IL4I1: variants seen among roughly 807,000 people sequenced by gnomAD.
IL4I1 encodes the protein interleukin 4 induced 1, also known as L-amino-acid oxidase.
A neutral mutation model predicts 29.7 loss-of-function variants in IL4I1; 24 were observed. The ratio of observed to expected loss-of-function variants is 0.81; its 90% confidence interval spans 0.59 to 1.14. IL4I1 has a LOEUF of 1.14. IL4I1 is among the 50% of genes most tolerant of loss of function. The pLI is 0.00. For missense variants in IL4I1, 686 were observed against 785.6 expected, an observed-to-expected ratio of 0.87 and a Z score of 1.52; for synonymous variants, 371 against 352.5, an observed-to-expected ratio of 1.05 and a Z score of -0.59.
intron 2 of IL4I1, chr19:49,909,932 A>C: frequency 1.0e-6 from 1 of 997,050 alleles, no homozygotes; most frequent in South Asian, 1.4e-5. Context: ...TGGAAAGGCA[A>C]GCTCAGTGGC....
chr19:49,926,397 G>A (rs1013165329), intron 2 of IL4I1, among the ~76,000 whole-genome samples: 1 of 152,076 alleles, frequency 6.6e-6, no homozygotes, highest in Non-Finnish European at 1.5e-5. Flanking sequence ...AGGCGTGGTG[G>A]TGGGCGCCTG....
chr19:49,911,176 A>C (rs192207426), intron 2 of IL4I1: 2 of 152,374 alleles, frequency 1.3e-5, no homozygotes, highest in African/African-American at 4.8e-5. Flanking sequence ...TGCCAGGACT[A>C]CAGGCGTGAG....
At chr19:49,917,568 T>C (rs964100359) in intron 2 of IL4I1, 2 of 152,014 alleles carry the variant, frequency 1.3e-5, no homozygotes, top group Non-Finnish European at 2.9e-5. Context: ...CATGAGACCA[T>C]GAGTGGGTCA....
At chr19:49,892,868 G>A (rs1216876689) in intron 5 of IL4I1, among the ~76,000 whole-genome samples, 1 of 152,166 alleles carries the variant, frequency 6.6e-6, no homozygotes, top group Non-Finnish European at 1.5e-5. Flanking sequence ...TGGGTGGGGA[G>A]GGGATGTTGG....
intron 2 of IL4I1, chr19:49,907,858 TATTTTTTC>T (rs1276709662): frequency 2.9e-6 from 1 of 348,278 alleles, no homozygotes; most frequent in African/African-American, 2.1e-5. Flanking sequence ...TTACATTTGG[TATTTTTTC>T]ATGACACCTA....
At chr19:49,909,005 G>A in intron 2 of IL4I1, 1 of 1,612,358 alleles carries the variant, frequency 6.2e-7, no homozygotes, top group Non-Finnish European at 8.5e-7. Context: ...TGTTGTTGTG[G>A]AGGTGCCGGA....
chr19:49,926,113 G>A (rs1428922982), intron 2 of IL4I1, among the ~76,000 whole-genome samples: 2 of 150,144 alleles, frequency 1.3e-5, no homozygotes, highest in African/African-American at 2.5e-5. Context: ...GGAGCCTGAA[G>A]CAGGAGAATG....
intron 7 of IL4I1, 42 bp downstream of exon 7, chr19:49,890,929 G>GGCCCCCCCCCC: frequency 4.4e-6 from 2 of 454,452 alleles, no homozygotes; most frequent in Non-Finnish European, 7.1e-6. Context: ...TTCCCTGATT[G>GGCCCCCCCCCC]CCCCCCGCCC....
At chr19:49,927,971 G>A (rs1044932706) in intron 1 of IL4I1, 42 of 152,348 alleles carry the variant, frequency 2.8e-4, no homozygotes, top group African/African-American at 1.0e-3. Flanking sequence ...GAAGCTGAAG[G>A]ACGGTTTGAA....
chr19:49,923,255 C>A (rs2075807220), intron 2 of IL4I1, among the ~76,000 whole-genome samples: 1 of 152,176 alleles, frequency 6.6e-6, no homozygotes, highest in Non-Finnish European at 1.5e-5. Flanking sequence ...TGCCAGGACT[C>A]CCACCTTCAA....
chr19:49,895,989 A>G lies in IL4I1; in HGVS notation c.78T>C (p.Ala26=), dbSNP rs1443349563. Residue 26 remains alanine (A), a synonymous_variant, in exon 3 of 8, where the codon GCT becomes GCC. Transcript: ENST00000391826. ...LSLVASQDWK[A]ERSQDPFEKC... ...TCTCGAAGGGGTCTTGGCTGCGTTC[A>G]GCCTTCCAGTCCTGGGAGGCCACCA... The G allele has an allele frequency of 6.2e-7, 1 of 1,614,196 alleles. No individual in the cohort carries two copies. Among genetic ancestry groups the G allele is most frequent in the Admixed American group, 1.7e-5 (1 of 60,028 alleles).
intron 5 of IL4I1, among the ~76,000 whole-genome samples, chr19:49,891,937 G>A (rs2075145228): frequency 6.6e-6 from 1 of 152,104 alleles, no homozygotes; most frequent in African/African-American, 2.4e-5. Flanking sequence ...ACTGGTCAGT[G>A]CTGACAGGGC....
At chr19:49,920,017 G>A (rs1319912620) in intron 2 of IL4I1, among the ~76,000 whole-genome samples, 3 of 151,660 alleles carry the variant, frequency 2.0e-5, no homozygotes, top group East Asian at 3.9e-4. Context: ...TCAACCTCCC[G>A]GGCTCCAGTG....
In IL4I1 at chr19:49,889,823, G is replaced by C. The variant is rs147658225; in HGVS notation, c.1551C>G (p.Pro517=). ...RKGPASDTAS[P]EGHASDMEGQ... The stretch of plus-strand genomic sequence containing the variant: ...CCTCCATGTCAGATGCGTGCCCCTC[G>C]GGGCTGGCCGTGTCCGATGCAGGCC... Residue 517 remains proline (P), a synonymous_variant, in exon 8 of 8, where the codon CCC becomes CCG. Transcript: ENST00000391826. The C allele has an allele frequency of 1.1e-5, 17 of 1,560,046 alleles. No homozygotes were observed. The highest frequency in any genetic ancestry group is 1.4e-5 in the Non-Finnish European group (16 of 1,152,400).
intron 2 of IL4I1, among the ~76,000 whole-genome samples, chr19:49,917,220 T>C (rs1034570796): frequency 2.0e-5 from 3 of 152,104 alleles, no homozygotes; most frequent in Non-Finnish European, 2.9e-5. Flanking sequence ...GAAATTTGAT[T>C]CCTGCTGAGG....
chr19:49,909,976 G>C, intron 2 of IL4I1: 1 of 730,708 alleles, frequency 1.4e-6, no homozygotes, highest in South Asian at 1.5e-5. Flanking sequence ...AGGGTGGTGG[G>C]ATGGGATAAT....
intron 1 of IL4I1, among the ~76,000 whole-genome samples, 184 bp downstream of exon 1, chr19:49,896,651 C>A (rs995303351): frequency 3.3e-5 from 5 of 152,132 alleles, no homozygotes; most frequent in Admixed American, 6.5e-5. Context: ...CCAGGCTGGT[C>A]TCGAACTCCT....
Position 49,889,854 on chromosome 19 carries a change from C to G in IL4I1, c.1520G>C (p.Arg507Pro). 1 of 1,592,404 alleles carries G rather than the reference C, an allele frequency of 6.3e-7. No individual in the cohort carries two copies. The highest frequency in any genetic ancestry group is 1.1e-5 in the South Asian group (1 of 88,834). The change falls in exon 8 of 8, where the codon CGG becomes CCG. Residue 507 changes from arginine (R) to proline (P), a missense_variant. Transcript: ENST00000391826. ...GGCCGTGTCCGATGCAGGCCCCTTC[C>G]GGCTGTTGATCTTGATGGCGGCGCG... Reference protein sequence around the residue: ...ALRAAIKINSRKGPASDTASP... With the variant: ...ALRAAIKINSPKGPASDTASP...
intron 5 of IL4I1, among the ~76,000 whole-genome samples, chr19:49,893,756 A>G (rs2075167991): frequency 6.6e-6 from 1 of 151,940 alleles, no homozygotes; most frequent in South Asian, 2.1e-4. Flanking sequence ...TGGGAGGCTG[A>G]GGCAGGTGGA....
Sources: allele counts gnomAD v4.1 joint callset (sites outside exome capture counted in the v4.1 genomes callset), GRCh38; gene constraint gnomAD v4.1.1; transcripts MANE v1.5; gene names NCBI Gene and HGNC (gene_info 2026-07-23, HGNC 2026-07-21).